KNDC1: variants seen among roughly 807,000 people sequenced by gnomAD.
KNDC1 encodes kinase non-catalytic C-lobe domain-containing protein 1.
KNDC1 carries 106 observed loss-of-function variants against 172.8 expected under a neutral mutation model. The ratio of observed to expected loss-of-function variants is 0.61; its 90% CI spans 0.52 to 0.72. The LOEUF (loss-of-function observed/expected upper bound fraction) is 0.72, where lower values mean the gene tolerates loss of function less well. Ranked by LOEUF, KNDC1 falls within the 30% of genes least tolerant of loss-of-function variation. KNDC1 has a pLI of 0.00. For synonymous variants in KNDC1, 1,083 were observed against 1,062.2 expected, an observed-to-expected ratio of 1.02 and a Z score of -0.38; for missense variants, 2,325 against 2,394.5, an observed-to-expected ratio of 0.97 and a Z score of 0.61.
chr10:133,168,757 C>T (rs991655886), intron 3 of KNDC1, among the ~76,000 whole-genome samples: 17 of 152,282 alleles, frequency 1.1e-4, no homozygotes, highest in Non-Finnish European at 2.5e-4. Flanking sequence ...CCTCTCCAGA[C>T]ACAAGGCCTC....
chr10:133,167,078 G>A (rs1176270746), intron 1 of KNDC1: 1 of 462,150 alleles, frequency 2.2e-6, no homozygotes, highest in African/African-American at 2.0e-5. Context: ...GCTCCACGGA[G>A]CAGGTGACCC....
At position 133,160,584 on chromosome 10, in the gene KNDC1, C is replaced by G. The variant is rs1360245215; in HGVS notation, c.102+15C>G. 2.2e-5 allele frequency: 34 copies of G among 1,541,194 alleles called. No individual in the cohort carries two copies. Among genetic ancestry groups the G allele is most frequent in the Non-Finnish European group, 2.9e-5 (33 of 1,139,578 alleles). On this transcript the variant is annotated intron_variant, in intron 1 of 29. Coordinates refer to ENST00000304613, the MANE Select transcript of KNDC1 (RefSeq NM_152643.8). Reference sequence around the variant, plus strand: ...CCGAGGACGAGGTGAGCCCCCGGCCCCACTGGGGGGCCCCTTCCGCCGCCG... The same window carrying G: ...CCGAGGACGAGGTGAGCCCCCGGCCGCACTGGGGGGCCCCTTCCGCCGCCG...
At chr10:133,206,636 G>T in intron 17 of KNDC1, 49 bp from the exon 18 acceptor site, 1 of 1,506,352 alleles carries the variant, frequency 6.6e-7, no homozygotes, top group South Asian at 1.1e-5. Context: ...GGATGTGGCT[G>T]ACGTGTGTTG....
chr10:133,186,549 C>G lies in KNDC1; in HGVS notation c.1201C>G (p.Pro401Ala). Residue 401 changes from proline to alanine, a missense_variant, in exon 6 of 30, where the codon CCC becomes GCC. Physicochemically the swap from Pro to Ala is conservative, Grantham distance 27. Transcript: ENST00000304613. ...GSPGQPETSH[P>A]SQGPAEAPAD... ...TCCAGGACAGCCCGAGACTTCACAC[C>G]CCAGCCAGGGGCCAGCAGAGGCCCC... The G allele has an allele frequency of 6.2e-7, 1 of 1,611,236 alleles. No individual in the cohort carries two copies. The highest frequency in any genetic ancestry group is 1.3e-5 in the African/African-American group (1 of 75,012).
At position 133,163,545 on chromosome 10, in the gene KNDC1, C is replaced by A. The variant is rs1334452559; in HGVS notation, c.102+2976C>A. ...AGTGTGAAGAGAGCTGTCAGGAGGCCTGGGGATTGGCAGCCAGTGCTCCCA... is the reference window on the plus strand; with the variant it reads ...AGTGTGAAGAGAGCTGTCAGGAGGCATGGGGATTGGCAGCCAGTGCTCCCA... On this transcript the variant is annotated intron_variant, in intron 1 of 29. Transcript: ENST00000304613. This position sits in a 1 kb window ranked among gnomAD's most constrained non-coding sequence, Gnocchi z 4.4. Among the ~76,000 whole-genome samples the A allele has an allele frequency of 6.6e-6, 1 of 152,104 alleles. No individual in the cohort carries two copies. The highest frequency in any genetic ancestry group is 2.4e-5 in the African/African-American group (1 of 41,400).
intron 3 of KNDC1, among the ~76,000 whole-genome samples, chr10:133,175,395 GGATGAATGGGTGAGTGGGTGGATGGGTA>G (rs140901823): frequency 0.4 from 58,245 of 143,948 alleles, 13,439 homozygotes; most frequent in South Asian, 0.65. Context: ...ATGGATGGGT[GGATGAATGGGTGAGTGGGTGGATGGGTA>G]GATGAATGGA....
In KNDC1 at chr10:133,214,048, T is replaced by G; in HGVS notation, c.4603T>G (p.Leu1535Val). The change falls in exon 26 of 30, where the codon TTA (leucine) becomes GTA (valine). Residue 1535 changes from leucine (L) to valine (V), a missense_variant. Physicochemically the swap from Leu to Val is conservative, Grantham distance 32. Coordinates refer to ENST00000304613, the MANE Select transcript of KNDC1 (RefSeq NM_152643.8). ...CAATTACGTTCAGGACAAGTATCTGTTACAGCTTCTAAGAAACGCAGATGA... is the reference window on the plus strand; with the variant it reads ...CAATTACGTTCAGGACAAGTATCTGGTACAGCTTCTAAGAAACGCAGATGA... ...LPNYVQDKYL[L>V]QLLRNADDVS... The G allele has an allele frequency of 6.2e-7, 1 of 1,614,202 alleles. No individual in the cohort carries two copies. The highest frequency in any genetic ancestry group is 8.5e-7 in the Non-Finnish European group (1 of 1,180,012).
chr10:133,176,254 C>T lies in KNDC1; in HGVS notation c.361-7090C>T, dbSNP rs1020302814. On this transcript the variant is annotated intron_variant, in intron 3 of 29. Transcript: ENST00000304613. ...ATGTAGTTAGATGGGTGGATGGATA[C>T]ATAGGCGGATGGATGCATGGTGGAT... Among the ~76,000 whole-genome samples the T allele has an allele frequency of 2.6e-4, 38 of 148,818 alleles. 1 individual carries two copies. Among genetic ancestry groups the T allele is most frequent in the African/African-American group, 7.9e-4 (32 of 40,512 alleles).
chr10:133,165,745 C>T (rs923161450), intron 1 of KNDC1, among the ~76,000 whole-genome samples: 1 of 152,200 alleles, frequency 6.6e-6, no homozygotes, highest in African/African-American at 2.4e-5. Context: ...TTTAACCAGC[C>T]TCACAGGCGT....
intron 3 of KNDC1, 54 bp downstream of exon 3, chr10:133,168,366 C>G: frequency 6.5e-7 from 1 of 1,542,366 alleles, no homozygotes; most frequent in South Asian, 1.1e-5. Flanking sequence ...CTATGGTGGC[C>G]TCTGCCATTA....
At chr10:133,171,035 A>C (rs1853362339) in intron 3 of KNDC1, among the ~76,000 whole-genome samples, 2 of 152,248 alleles carry the variant, frequency 1.3e-5, no homozygotes, top group African/African-American at 4.8e-5. Context: ...AAATGTTTTA[A>C]TGCTTCTTCT....
rs370380091 is a variant in KNDC1, at chr10:133,222,894, T to G, written c.5019-1765T>G. On this transcript the variant is annotated intron_variant, in intron 29 of 29. Transcript: ENST00000304613. Reference sequence around the variant, plus strand: ...ATCCAGCCATGCTCTTCCCAGTGTGTGTGTGTGTGAGAGCCCATCCAGGCA... The same window carrying G: ...ATCCAGCCATGCTCTTCCCAGTGTGGGTGTGTGTGAGAGCCCATCCAGGCA... Among the ~76,000 whole-genome samples, 3 of 10,658 alleles carry G rather than the reference T, an allele frequency of 2.8e-4. 1 individual carries two copies. The highest frequency in any genetic ancestry group is 8.6e-3 in the South Asian group (1 of 116). The allele number at this position is 10,658 out of a possible 152,430, so 7.0% of individuals were successfully genotyped here. A position where few individuals can be genotyped will look rare whatever the true frequency, so the allele number is the denominator to read the frequency against.
At chr10:133,183,821 G>C in intron 4 of KNDC1, 51 bp from the exon 5 acceptor site, 1 of 1,402,552 alleles carries the variant, frequency 7.1e-7, no homozygotes, top group Non-Finnish European at 9.8e-7. Context: ...GGTGGCTGCG[G>C]GAGATGGCCC....
intron 1 of KNDC1, among the ~76,000 whole-genome samples, chr10:133,165,706 T>C (rs1853129072): frequency 6.6e-6 from 1 of 152,250 alleles, no homozygotes; most frequent in South Asian, 2.1e-4. Flanking sequence ...TGTGCATGTG[T>C]TTGTGTGTAC....
chr10:133,207,822 C>G (rs1845245942), intron 20 of KNDC1, among the ~76,000 whole-genome samples: 1 of 152,190 alleles, frequency 6.6e-6, no homozygotes. Context: ...CGCTGGTGTG[C>G]GTACGTACGC....
chr10:133,212,060 G>C (rs926281686), intron 23 of KNDC1, among the ~76,000 whole-genome samples: 2 of 152,150 alleles, frequency 1.3e-5, no homozygotes, highest in African/African-American at 4.8e-5. Flanking sequence ...ATCCACACGT[G>C]CACATATGCA....
chr10:133,195,909 G>A (rs1854178500), intron 10 of KNDC1, 88 bp downstream of exon 10: 14 of 1,320,516 alleles, frequency 1.1e-5, no homozygotes, highest in African/African-American at 1.5e-5. Flanking sequence ...GGAGGAGCAC[G>A]GGCTGCCAGT....
intron 17 of KNDC1, chr10:133,202,298 C>T (rs772662523): frequency 4.3e-5 from 21 of 489,802 alleles, no homozygotes; most frequent in South Asian, 1.1e-4. Flanking sequence ...ACACCAAAAA[C>T]GCCTGCCCAG....
intron 1 of KNDC1, among the ~76,000 whole-genome samples, chr10:133,161,712 T>C (rs1448383593): frequency 6.6e-6 from 1 of 151,840 alleles, no homozygotes; most frequent in Non-Finnish European, 1.5e-5. Flanking sequence ...GCAATAAAGC[T>C]TCCAAGATCA....
Sources: allele counts gnomAD v4.1 joint callset (sites outside exome capture counted in the v4.1 genomes callset), GRCh38; gene constraint gnomAD v4.1.1; non-coding constraint Gnocchi (gnomAD v3.1); transcripts MANE v1.5; gene names NCBI Gene and HGNC (gene_info 2026-07-23, HGNC 2026-07-21).